RNFT2: variants seen among roughly 807,000 people sequenced by gnomAD.
The protein encoded by RNFT2 is E3 ubiquitin-protein ligase RNFT2.
RNFT2 carries 36 observed loss-of-function variants against 53.0 expected under a neutral mutation model. The observed-to-expected ratio is 0.68, with a 90% CI of 0.52 to 0.90. The LOEUF (loss-of-function observed/expected upper bound fraction) is 0.90, where lower values mean the gene tolerates loss of function less well. Ranked by LOEUF, RNFT2 falls within the 40% of genes least tolerant of loss-of-function variation. The probability of loss-of-function intolerance (pLI) is 0.00; values close to 1 mark genes in which losing one functional copy is unlikely to be tolerated. For missense variants in RNFT2, 514 were observed against 585.6 expected, an observed-to-expected ratio of 0.88 and a Z score of 1.26; for synonymous variants, 260 against 253.2, an observed-to-expected ratio of 1.03 and a Z score of -0.26.
At chr12:116,783,348 G>A (rs188080981) in intron 7 of RNFT2, among the ~76,000 whole-genome samples, 2 of 152,286 alleles carry the variant, frequency 1.3e-5, no homozygotes, top group Admixed American at 1.3e-4. Context: ...GCAACCCTAG[G>A]GGGATGCTTC....
intron 7 of RNFT2, among the ~76,000 whole-genome samples, chr12:116,787,342 C>T (rs1566081150): frequency 1.3e-5 from 2 of 152,216 alleles, no homozygotes; most frequent in Non-Finnish European, 2.9e-5. Flanking sequence ...TTGAGCAAGT[C>T]GCTTAATGTG....
chr12:116,804,695 G>A (rs1236052770), intron 7 of RNFT2, among the ~76,000 whole-genome samples: 1 of 152,216 alleles, frequency 6.6e-6, no homozygotes, highest in Non-Finnish European at 1.5e-5. Flanking sequence ...GGCAGGCTGG[G>A]TGCGGTGGCT....
intron 8 of RNFT2, among the ~76,000 whole-genome samples, chr12:116,834,882 C>A (rs1307868603): frequency 6.7e-6 from 1 of 148,550 alleles, no homozygotes; most frequent in Non-Finnish European, 1.5e-5. Context: ...CCGAGTCTCG[C>A]TCTGTTGCCC....
intron 3 of RNFT2, 126 bp downstream of exon 3, chr12:116,741,220 T>C: frequency 1.4e-6 from 1 of 726,226 alleles, no homozygotes; most frequent in Non-Finnish European, 2.4e-6. Context: ...GATGGCCTCA[T>C]ACTAAACATT....
At chr12:116,805,787 C>T (rs918611030) in intron 7 of RNFT2, among the ~76,000 whole-genome samples, 1 of 152,170 alleles carries the variant, frequency 6.6e-6, no homozygotes, top group African/African-American at 2.4e-5. Context: ...ATGCTGAAGT[C>T]CTGAGGCAGA....
chr12:116,836,068 A>C (rs754374099), intron 9 of RNFT2, 43 bp downstream of exon 9: 13 of 1,611,492 alleles, frequency 8.1e-6, no homozygotes, highest in Non-Finnish European at 1.0e-5. Context: ...CCTGAGAATC[A>C]GGAACTGGAA....
chr12:116,837,648 A>T (rs998555462), intron 10 of RNFT2, among the ~76,000 whole-genome samples: 1 of 152,214 alleles, frequency 6.6e-6, no homozygotes, highest in Non-Finnish European at 1.5e-5. Context: ...AAGACTAAAG[A>T]GACATGATGA....
At chr12:116,761,116 C>T (rs941522274) in intron 5 of RNFT2, among the ~76,000 whole-genome samples, 9 of 152,074 alleles carry the variant, frequency 5.9e-5, no homozygotes, top group Admixed American at 1.3e-4. Context: ...CCCTTTACGC[C>T]GCAGACATTC....
chr12:116,766,776 G>A (rs752998069), intron 5 of RNFT2, 38 bp from the exon 6 acceptor site: 22 of 1,481,446 alleles, frequency 1.5e-5, no homozygotes, highest in Middle Eastern at 3.4e-4. Context: ...TCTGCCACAT[G>A]CACCTTTGAT....
intron 7 of RNFT2, among the ~76,000 whole-genome samples, chr12:116,807,981 T>C (rs1266868749): frequency 6.6e-6 from 1 of 152,190 alleles, no homozygotes; most frequent in African/African-American, 2.4e-5. Context: ...TTTAATTTTT[T>C]CTTTTTAAGA....
chr12:116,783,738 C>G (rs1322971985), intron 7 of RNFT2, among the ~76,000 whole-genome samples: 1 of 152,250 alleles, frequency 6.6e-6, no homozygotes, highest in South Asian at 2.1e-4. Context: ...CTTGTTGGCT[C>G]TCCACAGCCA....
chr12:116,752,303 G>T (rs1001518866), intron 4 of RNFT2, among the ~76,000 whole-genome samples: 1 of 151,960 alleles, frequency 6.6e-6, no homozygotes, highest in African/African-American at 2.4e-5. Context: ...TTCCTTGCTG[G>T]GGTGCTGCCC....
intron 7 of RNFT2, among the ~76,000 whole-genome samples, chr12:116,799,417 C>T (rs768451499): frequency 1.1e-4 from 17 of 152,170 alleles, no homozygotes; most frequent in Middle Eastern, 3.2e-3. Context: ...TCCCTTTTAT[C>T]GTGTAGCCTG....
intron 10 of RNFT2, among the ~76,000 whole-genome samples, chr12:116,838,867 G>A (rs1395669538): frequency 6.6e-6 from 1 of 152,212 alleles, no homozygotes; most frequent in Non-Finnish European, 1.5e-5. Flanking sequence ...AGGAGTAACA[G>A]CTGTACCCAG....
At chr12:116,798,887 C>G (rs1874635352) in intron 7 of RNFT2, among the ~76,000 whole-genome samples, 1 of 152,096 alleles carries the variant, frequency 6.6e-6, no homozygotes, top group South Asian at 2.1e-4. Context: ...ATAACAGTAC[C>G]TACATGTGTT....
At chr12:116,774,109 C>T (rs1873316056) in intron 6 of RNFT2, among the ~76,000 whole-genome samples, 1 of 152,138 alleles carries the variant, frequency 6.6e-6, no homozygotes, top group Non-Finnish European at 1.5e-5. Flanking sequence ...GATTTATAGA[C>T]AGAAAGAATG....
chr12:116,766,036 C>T (rs1364643637), intron 5 of RNFT2, among the ~76,000 whole-genome samples: 1 of 152,018 alleles, frequency 6.6e-6, no homozygotes, highest in Non-Finnish European at 1.5e-5. Flanking sequence ...TTTTGGGAGC[C>T]CAAGGCAGGA....
chr12:116,806,379 A>ATATAGATAGAT (rs1210982959), intron 7 of RNFT2, among the ~76,000 whole-genome samples: 2 of 129,848 alleles, frequency 1.5e-5, no homozygotes, highest in Non-Finnish European at 3.1e-5. Flanking sequence ...AAAAAAAAAA[A>ATATAGATAGAT]AAATATATAT....
chr12:116,779,435 A>G lies in RNFT2; in HGVS notation c.882+87A>G. The G allele has an allele frequency of 2.1e-6, 3 of 1,402,306 alleles. No individual in the cohort carries two copies. The South Asian group carries it at 3.6e-5, about 17-fold the overall frequency. The allele number at this position is 1,402,306 out of a possible 1,614,324, so 86.9% of individuals were successfully genotyped here. A position where few individuals can be genotyped will look rare whatever the true frequency, so the allele number is the denominator to read the frequency against. On this transcript the variant is annotated intron_variant, in intron 7 of 10. Transcript: ENST00000257575. ...GTGCCTTCTGAGGAGGAAAGAATGG[A>G]TGAGGGTGGACTGATGTCAGCATAT...
Sources: gnomAD v4.1 joint callset for allele counts (sites outside exome capture counted in the v4.1 genomes callset) on GRCh38, gnomAD v4.1.1 for gene constraint, MANE v1.5 for transcripts, NCBI Gene and HGNC (gene_info 2026-07-23, HGNC 2026-07-21) for gene names.